EPM2A: variants seen among roughly 807,000 people sequenced by gnomAD.
The protein encoded by EPM2A is laforin.
In EPM2A, 21 loss-of-function variants were observed where a neutral mutation model predicts 26.5. The ratio of observed to expected loss-of-function variants is 0.79; its 90% CI spans 0.56 to 1.14. The LOEUF (loss-of-function observed/expected upper bound fraction) is 1.14, where lower values mean the gene tolerates loss of function less well. Ranked by LOEUF, EPM2A falls within the 50% of genes most tolerant of loss-of-function variation. EPM2A has a pLI of 0.00. For missense variants in EPM2A, 458 were observed against 440.8 expected, an observed-to-expected ratio of 1.04 and a Z score of -0.35; for synonymous variants, 217 against 177.6, an observed-to-expected ratio of 1.22 and a Z score of -1.76.
At chr6:145,547,046 A>T (rs1355337346) in intron 2 of EPM2A, among the ~76,000 whole-genome samples, 1 of 152,110 alleles carries the variant, frequency 6.6e-6, no homozygotes, top group African/African-American at 2.4e-5. Flanking sequence ...TCCCTTCTCC[A>T]TTCTTGCCCT....
chr6:145,405,275 A>T (rs1778551121), intron 4 of EPM2A, among the ~76,000 whole-genome samples: 4 of 152,168 alleles, frequency 2.6e-5, no homozygotes. Context: ...AGACAAACAC[A>T]CAGTGGCTCA....
chr6:145,656,693 A>T (rs992576159), intron 2 of EPM2A, among the ~76,000 whole-genome samples: 3 of 152,164 alleles, frequency 2.0e-5, no homozygotes, highest in Non-Finnish European at 2.9e-5. Context: ...GGTTGACATG[A>T]TTATAGTGCT....
intron 4 of EPM2A, among the ~76,000 whole-genome samples, chr6:145,396,650 C>T (rs1778409518): frequency 6.6e-6 from 1 of 152,162 alleles, no homozygotes. Flanking sequence ...ATAAACTTTG[C>T]AATGTCTGCC....
intron 2 of EPM2A, among the ~76,000 whole-genome samples, chr6:145,561,644 C>T (rs2114815027): frequency 6.6e-6 from 1 of 152,232 alleles, no homozygotes. Context: ...CATTCTGTGA[C>T]ACGTATCTTC....
chr6:145,661,067 C>G (rs774614218), intron 2 of EPM2A, among the ~76,000 whole-genome samples: 21 of 151,960 alleles, frequency 1.4e-4, no homozygotes, highest in Non-Finnish European at 2.6e-4. Context: ...GCAACAGAGG[C>G]CCTGAAAAAC....
chr6:145,679,683 A>C (rs1051507173), intron 2 of EPM2A, among the ~76,000 whole-genome samples: 1 of 152,136 alleles, frequency 6.6e-6, no homozygotes, highest in East Asian at 1.9e-4. Context: ...TCATCATGGA[A>C]TTTCACACTA....
At chr6:145,498,322 C>T (rs143376575), downstream of EPM2A, among the ~76,000 whole-genome samples, 67 of 152,330 alleles carry the variant, frequency 4.4e-4, no homozygotes, top group Admixed American at 1.8e-3. Context: ...ACCAATGCTG[C>T]TTGGACCCCT....
At chr6:145,688,689 G>A (rs1781088296) in intron 1 of EPM2A, among the ~76,000 whole-genome samples, 1 of 152,064 alleles carries the variant, frequency 6.6e-6, no homozygotes, top group African/African-American at 2.4e-5. Flanking sequence ...ATATTAATAA[G>A]GAAAAAAGTT....
chr6:145,477,810 C>G (rs1779561242), intron 4 of EPM2A, among the ~76,000 whole-genome samples: 1 of 151,586 alleles, frequency 6.6e-6, no homozygotes, highest in Non-Finnish European at 1.5e-5. Context: ...TATGACAGGC[C>G]CACAGCTAAT....
rs150715979 is a variant in EPM2A, at chr6:145,568,199, A to G, written c.341-65624T>C. ...AGATTATATCTAGGGAATAGATGTAAGACTTCTTCACTAGGCCAATGAAAC... is the reference window on the plus strand; with the variant it reads ...AGATTATATCTAGGGAATAGATGTAGGACTTCTTCACTAGGCCAATGAAAC... On this transcript the variant is annotated intron_variant, in intron 2 of 3. Transcript: ENST00000450221. Among the ~76,000 whole-genome samples, 103 of 152,324 alleles carry G rather than the reference A, an allele frequency of 6.8e-4. No individual in the cohort carries two copies. In the East Asian group the frequency reaches 0.015, roughly 23 times the overall value.
chr6:145,715,730 G>C (rs762667594), intron 1 of EPM2A, among the ~76,000 whole-genome samples: 20 of 152,100 alleles, frequency 1.3e-4, no homozygotes, highest in Non-Finnish European at 2.5e-4. Flanking sequence ...ACTGCACTTG[G>C]GAGACAGGGA....
chr6:145,458,344 G>A (rs905948053), intron 4 of EPM2A, among the ~76,000 whole-genome samples: 1 of 152,074 alleles, frequency 6.6e-6, no homozygotes, highest in African/African-American at 2.4e-5. Context: ...CAGTATTTCT[G>A]TGCTTGAAGA....
At chr6:145,476,498 CATTCTT>C (rs1295511725) in intron 4 of EPM2A, among the ~76,000 whole-genome samples, 1 of 152,018 alleles carries the variant, frequency 6.6e-6, no homozygotes, top group Non-Finnish European at 1.5e-5. Context: ...TAAGAATACA[CATTCTT>C]TTTCTTAGCA....
In EPM2A at chr6:145,640,071, C is replaced by A. The variant is rs890414155; in HGVS notation, c.477-4585G>T. 9 of 152,274 alleles carry A rather than the reference C, an allele frequency of 5.9e-5. 1 individual carries two copies. Among genetic ancestry groups the A allele is most frequent in the Admixed American group, 4.6e-4 (7 of 15,294 alleles). The allele number at this position is 152,274 out of a possible 1,614,324, so 9.4% of individuals were successfully genotyped here. A position where few individuals can be genotyped will look rare whatever the true frequency, so the allele number is the denominator to read the frequency against. The stretch of plus-strand genomic sequence containing the variant: ...GATTTGTGGTTCCAGGTAACCATAT[C>A]ATAATACTACAGTATTTGTTTCACC... On this transcript the variant is annotated intron_variant, in intron 2 of 3. Coordinates refer to ENST00000367519, the MANE Select transcript of EPM2A (RefSeq NM_005670.4).
intron 2 of EPM2A, among the ~76,000 whole-genome samples, chr6:145,586,220 T>C (rs1235244802): frequency 6.6e-6 from 1 of 152,242 alleles, no homozygotes; most frequent in Non-Finnish European, 1.5e-5. Flanking sequence ...GATTATTGCT[T>C]GATGTTGTAT....
chr6:145,705,998 G>T (rs1782204622), intron 1 of EPM2A: 2 of 455,542 alleles, frequency 4.4e-6, no homozygotes, highest in African/African-American at 2.0e-5. Context: ...AATATGAAAA[G>T]AAGGGGTTTG....
intron 2 of EPM2A, among the ~76,000 whole-genome samples, chr6:145,613,509 C>A (rs530887752): frequency 1.9e-4 from 29 of 152,162 alleles, no homozygotes; most frequent in Admixed American, 3.9e-4. Flanking sequence ...TTGCCTAGAT[C>A]CATCAAGAGG....
intron 1 of EPM2A, among the ~76,000 whole-genome samples, chr6:145,714,948 G>C (rs1775534466): frequency 6.6e-6 from 1 of 152,178 alleles, no homozygotes; most frequent in Non-Finnish European, 1.5e-5. Context: ...TTAGTGGTGA[G>C]TCAGTGAGTG....
Position 145,608,339 on chromosome 6 carries a change from A to C in EPM2A, c.340+26906T>G, listed in dbSNP as rs181853927. 1.3e-3 allele frequency among the ~76,000 whole-genome samples: 203 copies of C among 152,348 alleles called. 1 individual carries two copies. Among genetic ancestry groups the C allele is most frequent in the African/African-American group, 4.6e-3 (190 of 41,590 alleles). ...ACAATCTGCAGTTTCAGGCACAAGC[A>C]TGCATGCACAGACATATACACCTTC... On this transcript the variant is annotated intron_variant, in intron 2 of 3. Coordinates refer to the EPM2A transcript ENST00000450221.
Sources: gnomAD v4.1 joint callset for allele counts (sites outside exome capture counted in the v4.1 genomes callset) on GRCh38, gnomAD v4.1.1 for gene constraint, MANE v1.5 for transcripts, NCBI Gene and HGNC (gene_info 2026-07-23, HGNC 2026-07-21) for gene names.